The following DCC variants were observed in gnomAD, a reference collection of about 807,000 sequenced individuals.
The protein encoded by DCC is netrin receptor DCC.
DCC carries 58 observed loss-of-function variants against 172.5 expected under a neutral mutation model. The ratio of observed to expected loss-of-function variants is 0.34; its 90% CI spans 0.27 to 0.42. The LOEUF is 0.42. Ranked by LOEUF, DCC falls within the 10% of genes least tolerant of loss-of-function variation. The pLI is 1.00. For synonymous variants in DCC, 709 were observed against 644.5 expected, an observed-to-expected ratio of 1.10 and a Z score of -1.52; for missense variants, 1,740 against 1,791.0, an observed-to-expected ratio of 0.97 and a Z score of 0.51.
chr18:52,481,319 G>T (rs980255185), intron 1 of DCC, among the ~76,000 whole-genome samples: 1 of 150,222 alleles, frequency 6.7e-6, no homozygotes, highest in African/African-American at 2.4e-5. Context: ...GGCTCACACA[G>T]TTGGCCACCT....
intron 13 of DCC, among the ~76,000 whole-genome samples, chr18:53,318,670 T>C (rs944701867): frequency 1.3e-5 from 2 of 152,098 alleles, no homozygotes; most frequent in African/African-American, 4.8e-5. Flanking sequence ...TGCTCCTGTA[T>C]TGGGTGCATA....
At chr18:53,184,757 A>G (rs1190466533) in intron 9 of DCC, among the ~76,000 whole-genome samples, 2 of 152,162 alleles carry the variant, frequency 1.3e-5, no homozygotes, top group African/African-American at 4.8e-5. Context: ...TTGCTGATCA[A>G]AACATTGTTA....
chr18:53,178,854 G>A lies in DCC; in HGVS notation c.1419-108G>A, dbSNP rs73461515. ...TTATGTCCCAGAGTCAACATTAGAT[G>A]AGTGAGCAACCTTTTGGTTCACCTC... On this transcript the variant is annotated intron_variant, in intron 8 of 28. Transcript: ENST00000442544. 344 of 1,110,442 alleles carry A rather than the reference G, an allele frequency of 3.1e-4. 3 individuals are homozygous for A. The African/African-American group carries it at 5.0e-3, about 16-fold the overall frequency. The allele number at this position is 1,110,442 out of a possible 1,614,324, so 68.8% of individuals were successfully genotyped here.
intron 13 of DCC, among the ~76,000 whole-genome samples, chr18:53,319,276 T>C (rs949869359): frequency 6.6e-6 from 1 of 152,152 alleles, no homozygotes; most frequent in African/African-American, 2.4e-5. Flanking sequence ...TAACCTTTAA[T>C]GTAAGTAGGC....
At chr18:52,542,104 C>G (rs1327734238) in intron 1 of DCC, among the ~76,000 whole-genome samples, 3 of 149,794 alleles carry the variant, frequency 2.0e-5, no homozygotes, top group Non-Finnish European at 4.4e-5. Flanking sequence ...TAAATCTATA[C>G]TAGGACCTAT....
chr18:52,396,279 A>C (rs1598782672), intron 1 of DCC, among the ~76,000 whole-genome samples: 3 of 104,472 alleles, frequency 2.9e-5, no homozygotes, highest in East Asian at 2.7e-4. Flanking sequence ...AACCTGCACC[A>C]CACCCCCCCC....
intron 2 of DCC, among the ~76,000 whole-genome samples, chr18:52,800,656 C>G (rs186551081): frequency 1.1e-4 from 16 of 151,704 alleles, no homozygotes; most frequent in Admixed American, 9.2e-4. Context: ...ACTTATGAAT[C>G]AGTGACTTCT....
intron 1 of DCC, among the ~76,000 whole-genome samples, chr18:52,530,234 T>TAC (rs1355491657): frequency 1.2e-4 from 18 of 152,138 alleles, no homozygotes; most frequent in Admixed American, 1.3e-4. Flanking sequence ...GTACATGTTT[T>TAC]ACACACACAC....
At chr18:53,514,040 T>C (rs2144553348) in intron 27 of DCC, among the ~76,000 whole-genome samples, 1 of 152,112 alleles carries the variant, frequency 6.6e-6, no homozygotes, top group South Asian at 2.1e-4. Flanking sequence ...TATTCCAAAA[T>C]TGACCACATA....
intron 1 of DCC, among the ~76,000 whole-genome samples, chr18:52,731,614 G>A (rs1286069584): frequency 6.6e-6 from 1 of 152,140 alleles, no homozygotes; most frequent in Non-Finnish European, 1.5e-5. Flanking sequence ...ATACAGTAGA[G>A]TGATCTTTCA....
intron 12 of DCC, among the ~76,000 whole-genome samples, chr18:53,279,647 T>TAA (rs34872786): frequency 2.2e-5 from 3 of 139,298 alleles, no homozygotes; most frequent in Admixed American, 7.1e-5. Flanking sequence ...TAAAGTATAA[T>TAA]AAAAAAAAAA....
At chr18:53,032,945 C>A (rs1230666922) in intron 5 of DCC, among the ~76,000 whole-genome samples, 1 of 152,098 alleles carries the variant, frequency 6.6e-6, no homozygotes, top group African/African-American at 2.4e-5. Context: ...TCTTTAAAAG[C>A]GTAATGGCAT....
chr18:52,351,022 G>T (rs1477433459), intron 1 of DCC, among the ~76,000 whole-genome samples: 1 of 152,168 alleles, frequency 6.6e-6, no homozygotes, highest in Non-Finnish European at 1.5e-5. Context: ...ATGAGATAAG[G>T]CTTTAAAGAA....
At chr18:52,990,689 C>T (rs2041375387) in intron 5 of DCC, among the ~76,000 whole-genome samples, 1 of 152,044 alleles carries the variant, frequency 6.6e-6, no homozygotes, top group Non-Finnish European at 1.5e-5. Context: ...ATCCAATCCC[C>T]CTAAGCATGT....
intron 26 of DCC, among the ~76,000 whole-genome samples, chr18:53,488,552 A>G (rs896171124): frequency 6.6e-6 from 1 of 152,022 alleles, no homozygotes; most frequent in Non-Finnish European, 1.5e-5. Flanking sequence ...AAATTTATTC[A>G]TTGAGATCCA....
chr18:53,021,657 A>G (rs1043295234), intron 5 of DCC, among the ~76,000 whole-genome samples: 1 of 152,202 alleles, frequency 6.6e-6, no homozygotes, highest in Non-Finnish European at 1.5e-5. Flanking sequence ...CCCAGCACTG[A>G]ACTCAACTAC....
At chr18:52,937,493 A>T (rs1441541477) in intron 5 of DCC, among the ~76,000 whole-genome samples, 3 of 151,988 alleles carry the variant, frequency 2.0e-5, no homozygotes, top group Non-Finnish European at 4.4e-5. Context: ...TCTCCCCTAA[A>T]ATCAAGAGCA....
intron 2 of DCC, among the ~76,000 whole-genome samples, chr18:52,896,806 C>T (rs1309359484): frequency 3.3e-5 from 5 of 152,220 alleles, no homozygotes; most frequent in Middle Eastern, 3.4e-3. Flanking sequence ...TGTTAGGACA[C>T]GTTGTAGTTC....
At chr18:53,368,814 C>G (rs2058031340) in intron 15 of DCC, among the ~76,000 whole-genome samples, 1 of 151,978 alleles carries the variant, frequency 6.6e-6, no homozygotes, top group Non-Finnish European at 1.5e-5. Flanking sequence ...TGTATATATG[C>G]TAGTACCACA....
Sources: allele counts gnomAD v4.1 joint callset (sites outside exome capture counted in the v4.1 genomes callset), GRCh38; gene constraint gnomAD v4.1.1; transcripts MANE v1.5; gene names NCBI Gene and HGNC (gene_info 2026-07-23, HGNC 2026-07-21).